The following FHL2 variants were observed in gnomAD, a reference collection of about 807,000 sequenced individuals.
FHL2 encodes four and a half LIM domains protein 2.
A neutral mutation model predicts 32.7 loss-of-function variants in FHL2; 20 were observed. That is an observed-to-expected ratio of 0.61 (90% CI 0.43 to 0.89). FHL2 has a LOEUF of 0.89. Among genes scored for constraint, FHL2 ranks in the 40% least tolerant of loss-of-function variants. The probability of loss-of-function intolerance (pLI) is 0.00; values close to 1 mark genes in which losing one functional copy is unlikely to be tolerated. For missense variants in FHL2, 311 were observed against 358.6 expected, an observed-to-expected ratio of 0.87 and a Z score of 1.07; for synonymous variants, 123 against 128.1, an observed-to-expected ratio of 0.96 and a Z score of 0.27.
chr2:105,359,712 T>C (rs1342770647), downstream of FHL2: 1 of 152,194 alleles, frequency 6.6e-6, no homozygotes, highest in Non-Finnish European at 1.5e-5. Flanking sequence ...CTGTAATGAC[T>C]GTGTGTCTCT....
intron 2 of FHL2, among the ~76,000 whole-genome samples, chr2:105,387,896 A>G (rs948178714): frequency 1.3e-5 from 2 of 152,262 alleles, no homozygotes; most frequent in Admixed American, 6.5e-5. Flanking sequence ...AAAATGTGGT[A>G]CATATACATC....
chr2:105,378,480 C>G (rs1185731845), intron 3 of FHL2: 1 of 270,842 alleles, frequency 3.7e-6, no homozygotes, highest in East Asian at 1.0e-4. Flanking sequence ...CCTTTCCCTT[C>G]AGGCTGGTGT....
chr2:105,402,104 TACAC>T (rs1683488819), upstream of FHL2, among the ~76,000 whole-genome samples: 1 of 149,048 alleles, frequency 6.7e-6, no homozygotes, highest in African/African-American at 2.5e-5. Context: ...CGTGTATATA[TACAC>T]GTATATATAC....
At chr2:105,387,101 C>T (rs931209220) in intron 2 of FHL2, among the ~76,000 whole-genome samples, 157 of 152,138 alleles carry the variant, frequency 1.0e-3, no homozygotes, top group African/African-American at 3.7e-3. Context: ...TTATTTTTTA[C>T]TGTGTCAGAA....
rs192336932 is a variant in FHL2 at position 105,374,552 on chromosome 2, G to A, written c.157-819C>T. 10 of 152,208 alleles carry A rather than the reference G, an allele frequency of 6.6e-5. No homozygotes were observed. In the East Asian group the frequency reaches 1.9e-3, roughly 29 times the overall value. The allele number at this position is 152,208 out of a possible 1,614,324, so 9.4% of individuals were successfully genotyped here. A position where few individuals can be genotyped will look rare whatever the true frequency, so the allele number is the denominator to read the frequency against. On this transcript the variant is annotated intron_variant, in intron 3 of 6. Transcript: ENST00000530340. ...TGGGAGTGGAGGGGCGTGAGGGTGG[G>A]AGAAGTGAGACAAAAACTGAGCACA...
intron 1 of FHL2, among the ~76,000 whole-genome samples, chr2:105,415,168 C>A (rs2139113): frequency 0.35 from 53,921 of 152,106 alleles, 10,258 homozygotes; most frequent in Admixed American, 0.46. Flanking sequence ...ATGGAGCAAG[C>A]GCTACACCGC....
intron 1 of FHL2, among the ~76,000 whole-genome samples, chr2:105,414,613 C>G (rs1026753260): frequency 6.6e-6 from 1 of 152,210 alleles, no homozygotes; most frequent in African/African-American, 2.4e-5. Context: ...AGTGCAGTAG[C>G]AGGATCTCAG....
chr2:105,424,727 G>A (rs1049603210), intron 1 of FHL2, among the ~76,000 whole-genome samples: 2 of 152,192 alleles, frequency 1.3e-5, no homozygotes, highest in Non-Finnish European at 2.9e-5. Context: ...TCCTTTGCAG[G>A]GAAATGGATG....
At chr2:105,407,117 G>A (rs1683656922) in intron 1 of FHL2, among the ~76,000 whole-genome samples, 1 of 152,116 alleles carries the variant, frequency 6.6e-6, no homozygotes, top group Non-Finnish European at 1.5e-5. Flanking sequence ...AAGCTGCTGG[G>A]CGTGGTGGCT....
chr2:105,405,022 A>G (rs1201805393), intron 1 of FHL2, among the ~76,000 whole-genome samples: 1 of 152,208 alleles, frequency 6.6e-6, no homozygotes. Context: ...TGTTTGGTAC[A>G]TTAATGACCA....
intron 6 of FHL2, chr2:105,362,902 C>T (rs556753889): frequency 5.6e-6 from 1 of 178,608 alleles, no homozygotes; most frequent in East Asian, 1.6e-4. Flanking sequence ...TGGAGTACAA[C>T]CGTCCCACTA....
intron 1 of FHL2, among the ~76,000 whole-genome samples, chr2:105,433,782 AT>A (rs1227591155): frequency 2.0e-5 from 3 of 152,134 alleles, no homozygotes; most frequent in African/African-American, 4.8e-5. Context: ...GCTTTATTTT[AT>A]TTTAAATCTG....
intron 4 of FHL2, among the ~76,000 whole-genome samples, chr2:105,370,874 G>C (rs972209026): frequency 2.0e-5 from 3 of 152,144 alleles, no homozygotes; most frequent in African/African-American, 7.2e-5. Flanking sequence ...AAGATTCAAT[G>C]GGATTCTGTA....
chr2:105,424,844 G>C (rs1312104321), intron 1 of FHL2, among the ~76,000 whole-genome samples: 3 of 152,162 alleles, frequency 2.0e-5, no homozygotes, highest in Non-Finnish European at 2.9e-5. Flanking sequence ...ACACACGGAG[G>C]GGAACATCAC....
chr2:105,363,020 G>C lies in FHL2; in HGVS notation c.688+265C>G, dbSNP rs966990128. On this transcript the variant is annotated intron_variant, in intron 6 of 6. Coordinates refer to ENST00000530340, the MANE Select transcript of FHL2 (RefSeq NM_001318895.3). ...CAGGCTCACAGACTGCAGTTTTAGC[G>C]ATAATCCAACCCAAAGCAGAAACTA... 7.0e-6 allele frequency: 3 copies of C among 425,942 alleles called. 1 individual carries two copies. The highest frequency in any genetic ancestry group is 6.3e-4 in the Middle Eastern group (1 of 1,588). The allele number at this position is 425,942 out of a possible 1,614,324, so 26.4% of individuals were successfully genotyped here. A position where few individuals can be genotyped will look rare whatever the true frequency, so the allele number is the denominator to read the frequency against.
chr2:105,431,872 C>A (rs983691111), intron 1 of FHL2, among the ~76,000 whole-genome samples: 2 of 152,172 alleles, frequency 1.3e-5, no homozygotes, highest in Non-Finnish European at 2.9e-5. Flanking sequence ...GCACAGCAGA[C>A]AAAAGTAGAA....
intron 1 of FHL2, among the ~76,000 whole-genome samples, chr2:105,435,275 A>T (rs1684575689): frequency 6.6e-6 from 1 of 152,158 alleles, no homozygotes; most frequent in Non-Finnish European, 1.5e-5. Flanking sequence ...TTTAGTTATT[A>T]CATATTATTA....
intron 1 of FHL2, among the ~76,000 whole-genome samples, chr2:105,418,950 G>A (rs1378302784): frequency 6.6e-6 from 1 of 152,168 alleles, no homozygotes; most frequent in Non-Finnish European, 1.5e-5. Context: ...AGTATATGCA[G>A]GGTTTGGGAC....
chr2:105,435,367 A>T (rs1405414076), intron 1 of FHL2, among the ~76,000 whole-genome samples: 2 of 152,210 alleles, frequency 1.3e-5, no homozygotes, highest in Non-Finnish European at 2.9e-5. Context: ...GACTTGGAGT[A>T]GAACATTCAA....
Sources: allele counts gnomAD v4.1 joint callset (sites outside exome capture counted in the v4.1 genomes callset), GRCh38; gene constraint gnomAD v4.1.1; transcripts MANE v1.5; gene names NCBI Gene and HGNC (gene_info 2026-07-23, HGNC 2026-07-21).